The following WDR1 variants were observed in gnomAD, a reference collection of about 807,000 sequenced individuals.
The protein encoded by WDR1 is WD repeat domain 1.
A neutral mutation model predicts 71.9 loss-of-function variants in WDR1; 21 were observed. That is an observed-to-expected ratio of 0.29 (90% CI 0.21 to 0.42). WDR1 has a LOEUF of 0.42. WDR1 is among the 10% of genes least tolerant of loss of function. WDR1 has a pLI of 1.00. For missense variants in WDR1, 696 were observed against 824.5 expected, an observed-to-expected ratio of 0.84 and a Z score of 1.91; for synonymous variants, 424 against 347.4, an observed-to-expected ratio of 1.22 and a Z score of -2.45.
intron 2 of WDR1, among the ~76,000 whole-genome samples, chr4:10,112,507 T>C (rs904852114): frequency 2.6e-5 from 4 of 152,166 alleles, no homozygotes; most frequent in Non-Finnish European, 5.9e-5. Flanking sequence ...ACGAGATGTG[T>C]TGAAATAAAC....
intron 5 of WDR1, among the ~76,000 whole-genome samples, chr4:10,093,519 A>T (rs912791590): frequency 6.6e-6 from 1 of 152,242 alleles, no homozygotes; most frequent in African/African-American, 2.4e-5. Context: ...GAGGGGCACG[A>T]AGGAGCTACC....
intron 14 of WDR1, 186 bp downstream of exon 14, chr4:10,077,118 A>G: frequency 1.2e-6 from 1 of 859,658 alleles, no homozygotes; most frequent in Middle Eastern, 3.7e-4. Context: ...GTGGTCCCTC[A>G]GTACGGCCAG....
intron 11 of WDR1, among the ~76,000 whole-genome samples, chr4:10,081,148 T>C (rs12503195): frequency 0.3 from 46,024 of 152,142 alleles, 7,356 homozygotes; most frequent in East Asian, 0.54. Flanking sequence ...GGACAACCAA[T>C]TTATCCATTC....
chr4:10,084,229 A>G (rs112787794), intron 9 of WDR1, among the ~76,000 whole-genome samples: 40 of 152,294 alleles, frequency 2.6e-4, no homozygotes, highest in African/African-American at 9.1e-4. Context: ...TTTCCTCAGC[A>G]TAAGCCCTGG....
intron 1 of WDR1, 197 bp from the exon 2 acceptor site, chr4:10,116,431 G>T (rs1713736023): frequency 1.2e-6 from 1 of 862,242 alleles, no homozygotes; most frequent in East Asian, 3.4e-5. Context: ...GGGGCAGCGG[G>T]GCTCCTCCGG....
intron 13 of WDR1, 136 bp from the exon 14 acceptor site, chr4:10,077,584 C>A: frequency 1.3e-6 from 2 of 1,495,596 alleles, no homozygotes; most frequent in South Asian, 2.6e-5. Context: ...GCGACCCCTG[C>A]AAACCCACTG....
intron 2 of WDR1, among the ~76,000 whole-genome samples, chr4:10,115,160 C>G (rs796821496): frequency 2.1e-4 from 32 of 152,244 alleles, no homozygotes; most frequent in African/African-American, 7.7e-4. Context: ...AAGCACAGCA[C>G]AGGAGAAATC....
At chr4:10,101,091 A>C (rs972510986) in intron 3 of WDR1, among the ~76,000 whole-genome samples, 3 of 152,264 alleles carry the variant, frequency 2.0e-5, no homozygotes, top group Non-Finnish European at 4.4e-5. Flanking sequence ...CCAACTCCCA[A>C]GGGCAGCCTG....
chr4:10,097,718 G>GTGAACT lies in WDR1; in HGVS notation c.545_550dup (p.Lys182_Phe183dup). 6.2e-7 allele frequency: 1 copy of GTGAACT among 1,608,726 alleles called. No individual in the cohort carries two copies. The highest frequency in any genetic ancestry group is 8.5e-7 in the Non-Finnish European group (1 of 1,176,060). ...AAAAGTAAGTTCACTTACGCCAATT[G>GTGAACT]TGAACTTGAACTTGAATGGGGGTCC... On this transcript the variant is annotated inframe_insertion, in exon 5 of 15. Coordinates refer to ENST00000499869, the MANE Select transcript of WDR1 (RefSeq NM_017491.5).
intron 11 of WDR1, 129 bp downstream of exon 11, chr4:10,081,228 G>A (rs945093168): frequency 9.4e-6 from 7 of 747,428 alleles, no homozygotes; most frequent in South Asian, 6.3e-5. Context: ...AGATCCCTTA[G>A]TGCAGTGCAA....
At chr4:10,082,946 T>C in intron 10 of WDR1, 76 bp downstream of exon 10, 1 of 1,518,758 alleles carries the variant, frequency 6.6e-7, no homozygotes, top group East Asian at 2.3e-5. Context: ...TCCAGAACAG[T>C]AACTGCTGGA....
chr4:10,101,028 G>A (rs1325538147), intron 3 of WDR1, among the ~76,000 whole-genome samples: 3 of 152,242 alleles, frequency 2.0e-5, no homozygotes, highest in South Asian at 2.1e-4. Context: ...CCTCCAGGAA[G>A]CCTGCCCTGG....
intron 5 of WDR1, among the ~76,000 whole-genome samples, chr4:10,094,037 G>A (rs545830930): frequency 1.3e-5 from 2 of 152,210 alleles, no homozygotes; most frequent in Non-Finnish European, 2.9e-5. Context: ...TGAGGTCCCC[G>A]CAGGGCAGAG....
intron 10 of WDR1, 122 bp downstream of exon 10, chr4:10,082,900 G>T: frequency 1.6e-6 from 2 of 1,260,230 alleles, no homozygotes; most frequent in South Asian, 1.6e-5. Flanking sequence ...TGCTGGGGAC[G>T]GGGTGGGAGA....
At chr4:10,092,595 T>G in intron 5 of WDR1, 1 of 207,398 alleles carries the variant, frequency 4.8e-6, no homozygotes. Context: ...GCCCCTCGAG[T>G]AGCTCATCCC....
chr4:10,095,420 G>A (rs1296071816), intron 5 of WDR1, among the ~76,000 whole-genome samples: 1 of 152,188 alleles, frequency 6.6e-6, no homozygotes, highest in African/African-American at 2.4e-5. Flanking sequence ...CATACGGGAG[G>A]AAGCCCAGCG....
rs1399242632 is a variant in WDR1, at chr4:10,077,688, A to T, written c.1569+65T>A. On this transcript the variant is annotated intron_variant, in intron 13 of 14. Coordinates refer to ENST00000499869, the MANE Select transcript of WDR1 (RefSeq NM_017491.5). ...TCAGCTCAAGGTCACCAAGTCACAG[A>T]TAACCTCCCACTGCCACCTGCACCG... The T allele has an allele frequency of 2.0e-6, 3 of 1,483,872 alleles. No homozygotes were observed. The Admixed American group carries it at 7.2e-5, about 35-fold the overall frequency. The allele number at this position is 1,483,872 out of a possible 1,614,324, so 91.9% of individuals were successfully genotyped here.
chr4:10,099,232 T>G (rs892108217), intron 3 of WDR1, 93 bp from the exon 4 acceptor site: 13 of 1,106,332 alleles, frequency 1.2e-5, no homozygotes, highest in Non-Finnish European at 1.6e-5. Context: ...CAGGGCCACG[T>G]GGCCATAGGC....
chr4:10,099,187 A>AC, intron 3 of WDR1, 48 bp from the exon 4 acceptor site: 6 of 433,970 alleles, frequency 1.4e-5, no homozygotes, highest in Non-Finnish European at 1.5e-5. Context: ...TGGTGGGGTA[A>AC]AGGGCAGGGG....
Sources: gnomAD v4.1 joint callset for allele counts (sites outside exome capture counted in the v4.1 genomes callset) on GRCh38, gnomAD v4.1.1 for gene constraint, MANE v1.5 for transcripts, NCBI Gene and HGNC (gene_info 2026-07-23, HGNC 2026-07-21) for gene names.